EPB41L4A: variants seen among roughly 807,000 people sequenced by gnomAD.
EPB41L4A encodes the protein erythrocyte membrane protein band 4.1 like 4A.
Under a neutral mutation model 108.6 loss-of-function variants are expected in EPB41L4A, and 100 were observed. That is an observed-to-expected ratio of 0.92 (90% CI 0.78 to 1.09). The LOEUF (loss-of-function observed/expected upper bound fraction) is 1.09. Ranked by LOEUF, EPB41L4A falls within the 50% of genes least tolerant of loss-of-function variation. The probability of loss-of-function intolerance (pLI) is 0.00; values close to 1 mark genes in which losing one functional copy is unlikely to be tolerated. For missense variants in EPB41L4A, 1,030 were observed against 842.7 expected (o/e 1.22, Z -2.75); for synonymous variants, 319 against 289.0 (o/e 1.10, Z -1.05).
At chr5:112,158,373 C>A (rs544148089), downstream of EPB41L4A, 31 of 360,890 alleles carry the variant, frequency 8.6e-5, no homozygotes, top group Admixed American at 5.2e-4. Flanking sequence ...TTAAACTAAC[C>A]CATATAGTAC....
chr5:112,206,662 T>C (rs564252774), intron 13 of EPB41L4A, among the ~76,000 whole-genome samples: 1 of 151,880 alleles, frequency 6.6e-6, no homozygotes, highest in South Asian at 2.1e-4. Context: ...GGAAAAGAAA[T>C]AGGGAGATAA....
At chr5:112,161,297 T>C (rs892497066), downstream of EPB41L4A, 10 of 349,138 alleles carry the variant, frequency 2.9e-5, no homozygotes, top group Non-Finnish European at 5.7e-5. Context: ...ACCCTACAGG[T>C]GAGTTTTCAC....
chr5:112,352,649 G>A (rs1210798929), intron 1 of EPB41L4A, among the ~76,000 whole-genome samples: 1 of 152,096 alleles, frequency 6.6e-6, no homozygotes, highest in African/African-American at 2.4e-5. Context: ...TTTCCGTTTT[G>A]TTTATCTTTC....
At chr5:112,375,024 T>C (rs1488233493) in intron 1 of EPB41L4A, among the ~76,000 whole-genome samples, 1 of 152,212 alleles carries the variant, frequency 6.6e-6, no homozygotes, top group Admixed American at 6.5e-5. Context: ...AGGCTTTTTA[T>C]GAATACCAGT....
intron 1 of EPB41L4A, among the ~76,000 whole-genome samples, chr5:112,361,816 G>A (rs1407729538): frequency 6.6e-6 from 1 of 152,092 alleles, no homozygotes; most frequent in African/African-American, 2.4e-5. Flanking sequence ...GAGCCTGGGA[G>A]GCAGCAGTTG....
At chr5:112,261,559 C>A (rs1262454869) in intron 7 of EPB41L4A, among the ~76,000 whole-genome samples, 1 of 152,178 alleles carries the variant, frequency 6.6e-6, no homozygotes, top group Non-Finnish European at 1.5e-5. Flanking sequence ...ATAGAATAAT[C>A]AATTGGTAGC....
chr5:112,360,077 T>C (rs1290696313), intron 1 of EPB41L4A, among the ~76,000 whole-genome samples: 1 of 152,178 alleles, frequency 6.6e-6, no homozygotes, highest in Non-Finnish European at 1.5e-5. Flanking sequence ...CCAAGCATGG[T>C]GGCTCATGCC....
At chr5:112,179,065 G>A (rs1013452122) in intron 18 of EPB41L4A, among the ~76,000 whole-genome samples, 16 of 151,824 alleles carry the variant, frequency 1.1e-4, no homozygotes, top group African/African-American at 3.9e-4. Flanking sequence ...AGCACAGGGA[G>A]AATTATAAGC....
At chr5:112,261,492 C>T (rs1014864861) in intron 7 of EPB41L4A, among the ~76,000 whole-genome samples, 1 of 152,156 alleles carries the variant, frequency 6.6e-6, no homozygotes, top group Non-Finnish European at 1.5e-5. Context: ...TAAAATTTAA[C>T]TATTGCTATC....
chr5:112,286,332 G>A (rs1486864346), intron 2 of EPB41L4A, among the ~76,000 whole-genome samples: 1 of 152,022 alleles, frequency 6.6e-6, no homozygotes, highest in Non-Finnish European at 1.5e-5. Flanking sequence ...GAACATAACT[G>A]GAGGCTCACA....
At chr5:112,417,865 C>A (rs1010525285) in intron 1 of EPB41L4A, among the ~76,000 whole-genome samples, 2 of 152,218 alleles carry the variant, frequency 1.3e-5, no homozygotes, top group Admixed American at 1.3e-4. Flanking sequence ...GCAACATTAA[C>A]GCTGAAACTT....
chr5:112,407,340 A>G (rs1247376656), intron 1 of EPB41L4A, among the ~76,000 whole-genome samples: 1 of 152,204 alleles, frequency 6.6e-6, no homozygotes, highest in Non-Finnish European at 1.5e-5. Context: ...CCTCAGTCAT[A>G]GAGGATTGTA....
intron 17 of EPB41L4A, among the ~76,000 whole-genome samples, chr5:112,186,173 G>A (rs1273368242): frequency 6.6e-6 from 1 of 152,174 alleles, no homozygotes; most frequent in Admixed American, 6.5e-5. Flanking sequence ...TGGGCAGAAC[G>A]AAATTTTACA....
Position 112,164,988 on chromosome 5 carries a change from G to A in EPB41L4A, c.*2C>T. ...ACCCCTACCCTTGACCCTTCATCAG[G>A]ATCAAGTCTCTGTCTTGAGGCGGGA... On this transcript the variant is annotated 3_prime_UTR_variant, in exon 23 of 23. Transcript: ENST00000261486. 6.2e-7 allele frequency: 1 copy of A among 1,612,110 alleles called. No individual in the cohort carries two copies. Among genetic ancestry groups the A allele is most frequent in the South Asian group, 1.1e-5 (1 of 90,430 alleles).
At chr5:112,261,404 T>TA (rs1413805764) in intron 7 of EPB41L4A, among the ~76,000 whole-genome samples, 7 of 152,208 alleles carry the variant, frequency 4.6e-5, no homozygotes, top group East Asian at 1.9e-4. Flanking sequence ...TCCAATTGAT[T>TA]AAAAAAAATC....
At chr5:112,412,438 TAAA>T (rs2112818816) in intron 1 of EPB41L4A, among the ~76,000 whole-genome samples, 1 of 152,228 alleles carries the variant, frequency 6.6e-6, no homozygotes, top group South Asian at 2.1e-4. Flanking sequence ...CTATTTCACT[TAAA>T]AAAGAACACA....
Position 112,292,016 on chromosome 5 carries a change from A to G in EPB41L4A, c.205-11693T>C, listed in dbSNP as rs145660333. ...ACATGGGTAGAGACTTTTTCTCTAC[A>G]TACCACCCAATGGAAGAAGCCTTCA... On this transcript the variant is annotated intron_variant, in intron 2 of 22. Transcript: ENST00000261486. Among the ~76,000 whole-genome samples the G allele has an allele frequency of 6.8e-3, 1,031 of 152,318 alleles. 8 individuals are homozygous for G. Among genetic ancestry groups the G allele is most frequent in the African/African-American group, 0.024 (988 of 41,564 alleles).
chr5:112,197,865 T>C (rs1395597860), intron 15 of EPB41L4A, among the ~76,000 whole-genome samples: 1 of 152,318 alleles, frequency 6.6e-6, no homozygotes, highest in African/African-American at 2.4e-5. Flanking sequence ...AAAATTTGCA[T>C]GACAGATACA....
At chr5:112,178,577 A>G (rs962118941) in intron 18 of EPB41L4A, among the ~76,000 whole-genome samples, 5 of 151,334 alleles carry the variant, frequency 3.3e-5, no homozygotes, top group African/African-American at 1.2e-4. Context: ...AAAACTGTTC[A>G]GACTTTTTTT....
Sources: allele counts gnomAD v4.1 joint callset (sites outside exome capture counted in the v4.1 genomes callset), GRCh38; gene constraint gnomAD v4.1.1; transcripts MANE v1.5; gene names NCBI Gene and HGNC (gene_info 2026-07-23, HGNC 2026-07-21).